SMG1: variants seen among roughly 807,000 people sequenced by gnomAD.
SMG1 encodes the protein SMG1 nonsense mediated mRNA decay associated PI3K related kinase.
In SMG1, 22 loss-of-function variants were observed where a neutral mutation model predicts 419.9. That is an observed-to-expected ratio of 0.05 (90% confidence interval 0.04 to 0.07). The LOEUF is 0.07. Ranked by LOEUF, SMG1 falls within the 10% of genes least tolerant of loss-of-function variation. SMG1 has a pLI of 1.00. For missense variants in SMG1, 3,185 were observed against 4,342.0 expected (o/e 0.73, Z 7.49); for synonymous variants, 1,538 against 1,553.5 (o/e 0.99, Z 0.23).
At chr16:18,833,272 C>T in intron 50 of SMG1, 106 bp from the exon 51 acceptor site, 1 of 682,210 alleles carries the variant, frequency 1.5e-6, no homozygotes, top group Non-Finnish European at 2.4e-6. Flanking sequence ...GTAACTATGC[C>T]ATCAACTCAT....
chr16:18,849,069 C>CAAAAAAAAAAAAAAAAAAAAAA (rs58373081), intron 36 of SMG1, 148 bp downstream of exon 36: 1 of 110,714 alleles, frequency 9.0e-6, no homozygotes, highest in African/African-American at 7.6e-5. Context: ...GACTCCATCT[C>CAAAAAAAAAAAAAAAAAAAAAA]AAAAAAAAAA....
At chr16:18,851,464 G>T (rs1486804278) in intron 33 of SMG1, among the ~76,000 whole-genome samples, 2 of 152,194 alleles carry the variant, frequency 1.3e-5, no homozygotes, top group Admixed American at 6.5e-5. Flanking sequence ...TCGTGCACTG[G>T]CATATTTTAA....
chr16:18,865,872 G>A (rs1189831985), intron 23 of SMG1, among the ~76,000 whole-genome samples: 3 of 151,908 alleles, frequency 2.0e-5, no homozygotes, highest in Non-Finnish European at 4.4e-5. Context: ...CACCATGTTA[G>A]GCTAGTCTCA....
intron 40 of SMG1, 144 bp from the exon 41 acceptor site, chr16:18,841,938 A>G: frequency 1.3e-6 from 1 of 769,810 alleles, no homozygotes; most frequent in South Asian, 1.7e-5. Context: ...CTATTTTGGG[A>G]CAAGATATTG....
rs778044384 is a variant in SMG1, at chr16:18,867,700, CTTTTTTTTT to C, written c.3195+481_3195+489del. ...AAAAACATGAACATTATTTTAACTT[CTTTTTTTTT>C]TTTTTTTTTTTTTTTCTGAGGCGGA... is the stretch of plus-strand genomic sequence containing the variant. On this transcript the variant is annotated intron_variant, in intron 22 of 62. Coordinates refer to ENST00000446231, the MANE Select transcript of SMG1 (RefSeq NM_015092.5). Among the ~76,000 whole-genome samples the C allele has an allele frequency of 4.0e-3, 355 of 87,900 alleles. 3 individuals are homozygous for C. Among genetic ancestry groups the C allele is most frequent in the African/African-American group, 0.015 (331 of 22,234 alleles). The allele number at this position is 87,900 out of a possible 152,430, so 57.7% of individuals were successfully genotyped here.
At chr16:18,816,621 A>G in intron 57 of SMG1, 92 bp from the exon 58 acceptor site, 1 of 1,029,534 alleles carries the variant, frequency 9.7e-7, no homozygotes, top group East Asian at 2.6e-5. Context: ...TTAGTAACTC[A>G]AGCTGACACA....
In SMG1 at chr16:18,870,605, T is replaced by C. The variant is rs2035763797; in HGVS notation, c.2492+5A>G. On this transcript the variant is annotated splice_donor_5th_base_variant and intron_variant, in intron 18 of 62. Coordinates refer to ENST00000446231, the MANE Select transcript of SMG1 (RefSeq NM_015092.5). ...AATGTCTTTGCTCCAAAACAACTGTTATACCTTAGGACAACATCTAAAGGA... is the reference window on the plus strand; with the variant it reads ...AATGTCTTTGCTCCAAAACAACTGTCATACCTTAGGACAACATCTAAAGGA... The C allele has an allele frequency of 6.5e-7, 1 of 1,549,690 alleles. No individual in the cohort carries two copies. The highest frequency in any genetic ancestry group is 1.1e-5 in the South Asian group (1 of 86,964).
chr16:18,921,137 CAAAAA>C (rs548882021), intron 1 of SMG1, among the ~76,000 whole-genome samples: 1 of 77,716 alleles, frequency 1.3e-5, no homozygotes. Context: ...AACTCTGTCT[CAAAAA>C]AAAAAAAAAA....
intron 1 of SMG1, chr16:18,925,732 T>A (rs2038370883): frequency 1.7e-5 from 4 of 241,326 alleles, no homozygotes; most frequent in South Asian, 1.4e-4. Context: ...GGGTCTCGGC[T>A]CCAGCCCCGG....
chr16:18,838,277 A>G (rs1197107964), intron 44 of SMG1, 45 bp from the exon 45 acceptor site: 6 of 1,609,500 alleles, frequency 3.7e-6, no homozygotes, highest in African/African-American at 1.3e-5. Flanking sequence ...CACAAGTTTC[A>G]TCACTAAAGT....
intron 58 of SMG1, 78 bp downstream of exon 58, chr16:18,816,222 CTG>C: frequency 9.2e-7 from 1 of 1,084,780 alleles, no homozygotes; most frequent in South Asian, 1.6e-5. Context: ...CAAAATGTCA[CTG>C]TTTTTCCTAT....
chr16:18,910,163 C>T (rs1170942179), intron 1 of SMG1, among the ~76,000 whole-genome samples: 2 of 151,336 alleles, frequency 1.3e-5, no homozygotes, highest in African/African-American at 4.9e-5. Flanking sequence ...ACCTCCTGGG[C>T]TAAGGCAATC....
chr16:18,834,578 AC>A, intron 49 of SMG1, 140 bp from the exon 50 acceptor site: 1 of 782,620 alleles, frequency 1.3e-6, no homozygotes, highest in Non-Finnish European at 2.0e-6. Context: ...GGAGTTCGAG[AC>A]CAGCCTGATC....
chr16:18,837,775 T>C (rs2033671875), intron 45 of SMG1, among the ~76,000 whole-genome samples: 1 of 152,248 alleles, frequency 6.6e-6, no homozygotes. Context: ...TTAAGAAATA[T>C]AATTTTTTCA....
intron 2 of SMG1, among the ~76,000 whole-genome samples, chr16:18,896,517 C>A (rs1433408207): frequency 2.6e-5 from 4 of 152,076 alleles, no homozygotes; most frequent in Non-Finnish European, 2.9e-5. Flanking sequence ...GGAACTTCAA[C>A]CTTAGCTAAA....
chr16:18,894,299 A>T (rs985384984), intron 3 of SMG1, among the ~76,000 whole-genome samples: 2 of 152,052 alleles, frequency 1.3e-5, no homozygotes, highest in Admixed American at 6.6e-5. Context: ...AAGAAACTAC[A>T]ATGTCTGAGA....
In SMG1 at chr16:18,838,633, T is replaced by C; in HGVS notation, c.7002A>G (p.Gly2334=). The change falls in exon 43 of 63, where the codon GGA becomes GGG. Residue 2334 remains glycine (G), a synonymous_variant. Coordinates refer to ENST00000446231, the MANE Select transcript of SMG1 (RefSeq NM_015092.5). ...MSMVGYIIGL[G]DRHLDNVLID... ...TAAGAACATTATCCAGATGTCTGTC[T>C]CCAAGGCCAATTATGTATCCAACCA... 3 of 1,613,632 alleles carry C rather than the reference T, an allele frequency of 1.9e-6. No homozygotes were observed. Among genetic ancestry groups the C allele is most frequent in the East Asian group, 2.2e-5 (1 of 44,866 alleles).
At chr16:18,914,823 C>T (rs1239257172) in intron 1 of SMG1, among the ~76,000 whole-genome samples, 1 of 151,934 alleles carries the variant, frequency 6.6e-6, no homozygotes, top group Non-Finnish European at 1.5e-5. Context: ...GATTACATTG[C>T]TTAAATAATG....
chr16:18,881,002 C>G (rs1209093428), intron 10 of SMG1, among the ~76,000 whole-genome samples: 1 of 150,818 alleles, frequency 6.6e-6, no homozygotes, highest in African/African-American at 2.4e-5. Flanking sequence ...TGGTGACACT[C>G]GCTTGTAGGG....
Sources: gnomAD v4.1 joint callset for allele counts (sites outside exome capture counted in the v4.1 genomes callset) on GRCh38, gnomAD v4.1.1 for gene constraint, MANE v1.5 for transcripts, NCBI Gene and HGNC (gene_info 2026-07-23, HGNC 2026-07-21) for gene names.